Variants in HTR7 observed in about 807,000 individuals in gnomAD.
The protein encoded by HTR7 is 5-hydroxytryptamine receptor 7.
In HTR7, 16 loss-of-function variants were observed where a neutral mutation model predicts 34.0. That is an observed-to-expected ratio of 0.47 (90% CI 0.32 to 0.71). The LOEUF (loss-of-function observed/expected upper bound fraction) is 0.71, where lower values mean the gene tolerates loss of function less well. Among genes scored for constraint, HTR7 ranks in the 30% least tolerant of loss-of-function variants. The pLI, the probability that HTR7 is intolerant of heterozygous loss-of-function variation, is 0.04. For synonymous variants in HTR7, 265 were observed against 260.2 expected, an observed-to-expected ratio of 1.02 and a Z score of -0.18; for missense variants, 504 against 625.5, an observed-to-expected ratio of 0.81 and a Z score of 2.07.
intron 1 of HTR7, among the ~76,000 whole-genome samples, chr10:90,780,536 CA>C (rs57590024): frequency 0.093 from 6,591 of 70,928 alleles, 130 homozygotes; most frequent in Admixed American, 0.12. Flanking sequence ...GACTCCATCT[CA>C]AAAAAAAAAA....
chr10:90,811,982 C>T (rs1265300020), intron 1 of HTR7, among the ~76,000 whole-genome samples: 3 of 152,156 alleles, frequency 2.0e-5, no homozygotes, highest in Non-Finnish European at 2.9e-5. Context: ...GAAACCTTTA[C>T]ATCCCTTACA....
intron 1 of HTR7, among the ~76,000 whole-genome samples, chr10:90,750,073 T>A (rs1844710810): frequency 6.6e-6 from 1 of 152,204 alleles, no homozygotes; most frequent in African/African-American, 2.4e-5. Flanking sequence ...TAGCTTTCCC[T>A]TTGCATTACA....
chr10:90,829,698 T>A lies in HTR7; in HGVS notation c.539+27435A>T, dbSNP rs982141758. 2.0e-5 allele frequency among the ~76,000 whole-genome samples: 3 copies of A among 152,226 alleles called. No individual in the cohort carries two copies. In the East Asian group the frequency reaches 5.8e-4, roughly 29 times the overall value. On this transcript the variant is annotated intron_variant, in intron 1 of 3. Transcript: ENST00000336152. ...TCAAACTGTCCTTGTTTGCAGATGA[T>A]ATGAACTTACATTTGGAAAAACCTG...
At chr10:90,760,042 A>C (rs1844909467) in intron 1 of HTR7, among the ~76,000 whole-genome samples, 1 of 152,230 alleles carries the variant, frequency 6.6e-6, no homozygotes, top group Non-Finnish European at 1.5e-5. Context: ...TCAGTATATC[A>C]AAGGGACATC....
At chr10:90,839,057 G>C (rs1340153066) in intron 1 of HTR7, among the ~76,000 whole-genome samples, 2 of 152,126 alleles carry the variant, frequency 1.3e-5, no homozygotes, top group Non-Finnish European at 2.9e-5. Flanking sequence ...AAAGCAAAAA[G>C]ATAAATCCTG....
intron 1 of HTR7, among the ~76,000 whole-genome samples, chr10:90,805,711 T>C (rs1845694575): frequency 6.6e-6 from 1 of 152,244 alleles, no homozygotes. Context: ...AAAAATCTTA[T>C]AACTCTGTAA....
intron 3 of HTR7, among the ~76,000 whole-genome samples, chr10:90,742,839 T>C (rs1844574761): frequency 6.6e-6 from 1 of 152,158 alleles, no homozygotes; most frequent in Non-Finnish European, 1.5e-5. Flanking sequence ...CCTTGCAAAA[T>C]ACTATTGCAC....
chr10:90,812,687 C>T (rs1243366619), intron 1 of HTR7, among the ~76,000 whole-genome samples: 3 of 152,276 alleles, frequency 2.0e-5, no homozygotes, highest in East Asian at 3.9e-4. Context: ...CAATCCTGCT[C>T]GAAGCAGCCC....
At chr10:90,787,468 G>GT (rs1845397483) in intron 1 of HTR7, among the ~76,000 whole-genome samples, 2 of 152,012 alleles carry the variant, frequency 1.3e-5, no homozygotes, top group South Asian at 4.2e-4. Context: ...CTCCAGCCTG[G>GT]GTTATGGAGC....
At position 90,826,806 on chromosome 10, in the gene HTR7, G is replaced by A. The variant is rs184516678; in HGVS notation, c.539+30327C>T. Reference sequence around the variant, plus strand: ...CAAAAAATTAGCCAGGTGTGGTGGCGGGTGCCTGTGGTCCCAGCTGCTCGG... The same window carrying A: ...CAAAAAATTAGCCAGGTGTGGTGGCAGGTGCCTGTGGTCCCAGCTGCTCGG... On this transcript the variant is annotated intron_variant, in intron 1 of 3. Transcript: ENST00000336152. 9.3e-4 allele frequency among the ~76,000 whole-genome samples: 142 copies of A among 151,922 alleles called. 1 individual carries two copies. Among genetic ancestry groups the A allele is most frequent in the African/African-American group, 3.2e-3 (132 of 41,458 alleles).
At chr10:90,807,740 T>A (rs973864971) in intron 1 of HTR7, among the ~76,000 whole-genome samples, 40 of 152,280 alleles carry the variant, frequency 2.6e-4, no homozygotes, top group Admixed American at 2.6e-3. Flanking sequence ...GCGCATGAAA[T>A]TTGGTGCCGT....
intron 1 of HTR7, among the ~76,000 whole-genome samples, chr10:90,788,009 A>C (rs148985681): frequency 6.9e-4 from 105 of 152,252 alleles, no homozygotes; most frequent in African/African-American, 2.4e-3. Flanking sequence ...TAAGTGTTAA[A>C]TAGATATTAA....
At chr10:90,807,833 C>G (rs1057179629) in intron 1 of HTR7, among the ~76,000 whole-genome samples, 2 of 152,204 alleles carry the variant, frequency 1.3e-5, no homozygotes, top group Non-Finnish European at 2.9e-5. Flanking sequence ...CACCTACGAC[C>G]TCAGGTCCTC....
intron 1 of HTR7, among the ~76,000 whole-genome samples, chr10:90,759,661 C>CAAAAAAAAA (rs60718814): frequency 2.9e-5 from 2 of 69,384 alleles, no homozygotes; most frequent in African/African-American, 4.9e-5. Context: ...GACTCTGTCT[C>CAAAAAAAAA]AAAAAAAAAA....
At chr10:90,748,242 C>T (rs1844670122) in intron 2 of HTR7, among the ~76,000 whole-genome samples, 1 of 152,126 alleles carries the variant, frequency 6.6e-6, no homozygotes, top group African/African-American at 2.4e-5. Context: ...TCAAGCTATC[C>T]TCCTGCCTCA....
Position 90,810,787 on chromosome 10 carries a change from G to A in HTR7, c.539+46346C>T, listed in dbSNP as rs139046046. On this transcript the variant is annotated intron_variant, in intron 1 of 3. Transcript: ENST00000336152. ...AGCAAATTACCTGGGCTGTACTGCCGCAAGGCTTAACAGACATCCCCCATT... is the reference window on the plus strand; with the variant it reads ...AGCAAATTACCTGGGCTGTACTGCCACAAGGCTTAACAGACATCCCCCATT... Among the ~76,000 whole-genome samples the A allele has an allele frequency of 2.1e-3, 323 of 152,154 alleles. 2 individuals carry two copies. The highest frequency in any genetic ancestry group is 0.01 in the East Asian group (52 of 5,178).
At chr10:90,854,358 C>T (rs1045391341) in intron 1 of HTR7, among the ~76,000 whole-genome samples, 1 of 151,864 alleles carries the variant, frequency 6.6e-6, no homozygotes, top group Non-Finnish European at 1.5e-5. Flanking sequence ...TGTCCCCCTC[C>T]ACCTCACTCC....
At chr10:90,770,951 T>C (rs1845099621) in intron 1 of HTR7, among the ~76,000 whole-genome samples, 2 of 152,158 alleles carry the variant, frequency 1.3e-5, no homozygotes, top group South Asian at 2.1e-4. Context: ...TGGCCACCCA[T>C]GGACTAATGG....
intron 1 of HTR7, among the ~76,000 whole-genome samples, chr10:90,824,958 G>A (rs1178371838): frequency 6.6e-6 from 1 of 152,220 alleles, no homozygotes; most frequent in Non-Finnish European, 1.5e-5. Context: ...ACCACCTGCT[G>A]GCTGTAGAGC....
Sources: gnomAD v4.1 joint callset for allele counts (sites outside exome capture counted in the v4.1 genomes callset) on GRCh38, gnomAD v4.1.1 for gene constraint, MANE v1.5 for transcripts, NCBI Gene and HGNC (gene_info 2026-07-23, HGNC 2026-07-21) for gene names.